PRDM8: variants seen among roughly 807,000 people sequenced by gnomAD.
The protein encoded by PRDM8 is PR/SET domain 8.
In PRDM8, 13 loss-of-function variants were observed where a neutral mutation model predicts 46.5. The observed-to-expected ratio is 0.28, with a 90% CI of 0.18 to 0.44. The LOEUF (loss-of-function observed/expected upper bound fraction) is 0.44, where lower values mean the gene tolerates loss of function less well. Ranked by LOEUF, PRDM8 falls within the 20% of genes least tolerant of loss-of-function variation. PRDM8 has a pLI of 1.00. For synonymous variants in PRDM8, 473 were observed against 438.4 expected, an observed-to-expected ratio of 1.08 and a Z score of -0.98; for missense variants, 998 against 955.0, an observed-to-expected ratio of 1.04 and a Z score of -0.59.
intron 1 of PRDM8, among the ~76,000 whole-genome samples, chr4:80,189,543 G>A (rs994716945): frequency 2.0e-5 from 3 of 152,184 alleles, no homozygotes; most frequent in Non-Finnish European, 4.4e-5. Context: ...CTTGGAAAGT[G>A]GGTTCACAAT....
In PRDM8 at chr4:80,203,204, T is replaced by C; in HGVS notation, c.1742T>C (p.Phe581Ser). Reference sequence around the variant, plus strand: ...AGCCCCTTCCTGTACGCCACCGCCTTCTGGCCCAAGAGCTCCGCTGCCGCT... The same window carrying C: ...AGCCCCTTCCTGTACGCCACCGCCTCCTGGCCCAAGAGCTCCGCTGCCGCT... The part of the protein sequence containing the change: ...KQSPFLYATA[F>S]WPKSSAAAAA... The change falls in exon 4 of 4, where the codon TTC becomes TCC. Residue 581 changes from phenylalanine (F) to serine (S), a missense_variant. Coordinates refer to ENST00000415738, the MANE Select transcript of PRDM8 (RefSeq NM_001099403.2). 6.4e-7 allele frequency: 1 copy of C among 1,551,566 alleles called. No homozygotes were observed. The highest frequency in any genetic ancestry group is 8.7e-7 in the Non-Finnish European group (1 of 1,150,796).
chr4:80,190,671 C>T (rs572443335), intron 1 of PRDM8, among the ~76,000 whole-genome samples: 6 of 152,352 alleles, frequency 3.9e-5, no homozygotes, highest in South Asian at 2.1e-4. Flanking sequence ...GTACCTTTCA[C>T]TAAGACATGG....
At chr4:80,193,306 T>C (rs72656529), upstream of PRDM8, among the ~76,000 whole-genome samples, 7,645 of 152,206 alleles carry the variant, frequency 0.05, 252 homozygotes, top group Non-Finnish European at 0.074. Context: ...GAGTTTGCAA[T>C]GTATACTTAT....
chr4:80,202,512 C>T lies in PRDM8; in HGVS notation c.1050C>T (p.Cys350=), dbSNP rs374280707. The T allele has an allele frequency of 6.7e-4, 1,004 of 1,506,912 alleles. 4 individuals carry two copies. In the African/African-American group the frequency reaches 0.013, roughly 19 times the overall value. The allele number at this position is 1,506,912 out of a possible 1,614,324, so 93.3% of individuals were successfully genotyped here. A position where few individuals can be genotyped will look rare whatever the true frequency, so the allele number is the denominator to read the frequency against. The change falls in exon 4 of 4, where the codon TGC becomes TGT. Residue 350 remains cysteine (C), a synonymous_variant. Transcript: ENST00000415738. ...CGGCCTCCAAGGAGGATCTGGTGTG[C>T]ACACCGCAGCAGTACCGAGCCTCGG... ...PLPASKEDLV[C]TPQQYRASGS...
intron 1 of PRDM8, among the ~76,000 whole-genome samples, chr4:80,198,978 GGGTTTTTTTTTTTT>G (rs1738183145): frequency 3.9e-5 from 4 of 103,188 alleles, no homozygotes; most frequent in African/African-American, 1.4e-4. Context: ...GGGTTTTTTT[GGGTTTTTTTTTTTT>G]TGTTTTTTTT....
Position 80,198,986 on chromosome 4 carries a change from TTTTTTTTG to T in PRDM8, c.-2-1085_-2-1078del, listed in dbSNP as rs1167771872. 7.2e-3 allele frequency among the ~76,000 whole-genome samples: 730 copies of T among 101,572 alleles called. 17 individuals are homozygous for T. The highest frequency in any genetic ancestry group is 0.027 in the African/African-American group (536 of 19,694). The allele number at this position is 101,572 out of a possible 152,430, so 66.6% of individuals were successfully genotyped here. On this transcript the variant is annotated intron_variant, in intron 1 of 3. Coordinates refer to ENST00000415738, the MANE Select transcript of PRDM8 (RefSeq NM_001099403.2). The stretch of plus-strand genomic sequence containing the variant: ...AATACCTGGGTTTTTTTGGGTTTTT[TTTTTTTTG>T]TTTTTTTTTTTTTTTTTTTTTTTTA...
rs1332067441 is a variant in PRDM8, at chr4:80,202,996, T to G, written c.1534T>G (p.Ser512Ala). ...SQPARSFSQL[S>A]PLVLGQKLGA... ...GCCAGCACGCTCTTTCTCGCAGCTG[T>G]CCCCGCTGGTGCTGGGCCAGAAGCT... Residue 512 changes from serine (S) to alanine (A), a missense_variant, in exon 4 of 4, where the codon TCC (serine) becomes GCC (alanine). Physicochemically the swap from Ser to Ala is moderately conservative, Grantham distance 99. Transcript: ENST00000415738. The G allele has an allele frequency of 2.6e-6, 4 of 1,516,206 alleles. No homozygotes were observed. Among genetic ancestry groups the G allele is most frequent in the Admixed American group, 2.0e-5 (1 of 49,370 alleles). 93.9% of individuals were successfully genotyped at this position (1,516,206 alleles called of 1,614,324 possible).
At chr4:80,194,197 A>AT, upstream of PRDM8, 1 of 982,558 alleles carries the variant, frequency 1.0e-6, no homozygotes, top group Non-Finnish European at 1.2e-6. Flanking sequence ...CTACATGTGT[A>AT]TTTTTGCCAG....
upstream of PRDM8, chr4:80,196,443 A>G: frequency 1.0e-6 from 1 of 985,388 alleles, no homozygotes; most frequent in Non-Finnish European, 1.2e-6. Context: ...GCAGGCTGTT[A>G]AAGACCTCAA....
intron 1 of PRDM8, among the ~76,000 whole-genome samples, chr4:80,199,416 G>T (rs1258275820): frequency 6.6e-6 from 1 of 152,146 alleles, no homozygotes; most frequent in Non-Finnish European, 1.5e-5. Context: ...AACAGTGTTG[G>T]ATTATGGTAA....
intron 1 of PRDM8, among the ~76,000 whole-genome samples, chr4:80,198,534 T>C (rs1205983715): frequency 2.0e-5 from 3 of 152,130 alleles, no homozygotes; most frequent in Non-Finnish European, 4.4e-5. Flanking sequence ...TGACCAGGGA[T>C]AGATGATGCA....
At position 80,197,640 on chromosome 4, in the gene PRDM8, C is replaced by A; in HGVS notation, c.-126C>A. The A allele has an allele frequency of 1.0e-6, 1 of 982,058 alleles. No individual in the cohort carries two copies. Among genetic ancestry groups the A allele is most frequent in the Non-Finnish European group, 1.2e-6 (1 of 827,400 alleles). The allele number at this position is 982,058 out of a possible 1,614,324, so 60.8% of individuals were successfully genotyped here. The stretch of plus-strand genomic sequence containing the variant: ...ATCTCTTCAGGAAGAGCCTAAAAGG[C>A]GGCAACACCAACACCTCTTGACATG... On this transcript the variant is annotated 5_prime_UTR_variant, in exon 1 of 4. Transcript: ENST00000415738.
upstream of PRDM8, chr4:80,196,681 C>T (rs1295232300): frequency 8.4e-6 from 8 of 953,230 alleles, no homozygotes; most frequent in Non-Finnish European, 1.0e-5. Flanking sequence ...TATAGACTCC[C>T]TCTGGGGCTG....
At position 80,198,991 on chromosome 4, in the gene PRDM8, TTTG is replaced by T. The variant is rs1738202983; in HGVS notation, c.-2-1085_-2-1083del. Among the ~76,000 whole-genome samples the T allele has an allele frequency of 1.1e-3, 109 of 100,706 alleles. 3 individuals carry two copies. Among genetic ancestry groups the T allele is most frequent in the African/African-American group, 3.0e-3 (57 of 19,264 alleles). 66.1% of individuals were successfully genotyped at this position (100,706 alleles called of 152,430 possible). ...CTGGGTTTTTTTGGGTTTTTTTTTT[TTTG>T]TTTTTTTTTTTTTTTTTTTTTTTTA... On this transcript the variant is annotated intron_variant, in intron 1 of 3. Transcript: ENST00000415738.
At position 80,201,520 on chromosome 4, in the gene PRDM8, T is replaced by C. The variant is rs1351334998; in HGVS notation, c.450T>C (p.Asn150=). 6.2e-7 allele frequency: 1 copy of C among 1,613,372 alleles called. No homozygotes were observed. Among genetic ancestry groups the C allele is most frequent in the South Asian group, 1.1e-5 (1 of 91,076 alleles). Residue 150 remains asparagine (N), a splice_region_variant and synonymous_variant, in exon 3 of 4, where the codon AAT becomes AAC. Coordinates refer to ENST00000415738, the MANE Select transcript of PRDM8 (RefSeq NM_001099403.2). The stretch of plus-strand genomic sequence containing the variant: ...CCTCTAGATCCCACAACAAAATGAA[T>C]GGTAGGTTGGCTCGCGACCGGCGTG... ...LCPSRSHNKM[N]GSSPYTCLEC...
chr4:80,194,260 T>C (rs1292616334), upstream of PRDM8: 4 of 954,420 alleles, frequency 4.2e-6, no homozygotes, highest in East Asian at 1.2e-4. Flanking sequence ...CCACTCTTCA[T>C]TGTCATTCTT....
intron 1 of PRDM8, among the ~76,000 whole-genome samples, chr4:80,186,577 C>T (rs1377131386): frequency 6.6e-6 from 1 of 152,078 alleles, no homozygotes; most frequent in Non-Finnish European, 1.5e-5. Flanking sequence ...TCTTTTCTCC[C>T]TTCATGAAAT....
At chr4:80,193,082 A>G (rs1404382766), upstream of PRDM8, among the ~76,000 whole-genome samples, 1 of 152,228 alleles carries the variant, frequency 6.6e-6, no homozygotes, top group Admixed American at 6.5e-5. Context: ...GCAGGATTAA[A>G]AGCAGGATCA....
intron 1 of PRDM8, chr4:80,189,659 G>T (rs576712683): frequency 1.3e-5 from 2 of 152,328 alleles, no homozygotes; most frequent in South Asian, 4.2e-4. Context: ...TGCTTGCTAA[G>T]TATCACCTCA....
Sources: gnomAD v4.1 joint callset for allele counts (sites outside exome capture counted in the v4.1 genomes callset) on GRCh38, gnomAD v4.1.1 for gene constraint, MANE v1.5 for transcripts, NCBI Gene and HGNC (gene_info 2026-07-23, HGNC 2026-07-21) for gene names.